TUBGCP5: variants seen among roughly 807,000 people sequenced by gnomAD.
The protein encoded by TUBGCP5 is gamma-tubulin complex component 5.
Under a neutral mutation model 134.7 loss-of-function variants are expected in TUBGCP5, and 98 were observed. The ratio of observed to expected loss-of-function variants is 0.73; its 90% CI spans 0.62 to 0.86. TUBGCP5 has a LOEUF of 0.86. Ranked by LOEUF, TUBGCP5 falls within the 40% of genes least tolerant of loss-of-function variation. The pLI, the probability that TUBGCP5 is intolerant of heterozygous loss-of-function variation, is 0.00. For missense variants in TUBGCP5, 1,150 were observed against 1,244.8 expected (o/e 0.92, Z 1.15); for synonymous variants, 456 against 431.4 (o/e 1.06, Z -0.71).
intron 23 of TUBGCP5, among the ~76,000 whole-genome samples, chr15:22,990,417 T>C (rs1419119390): frequency 6.6e-6 from 1 of 152,178 alleles, no homozygotes; most frequent in African/African-American, 2.4e-5. Flanking sequence ...GTCACGTGCA[T>C]TTGGGATCTG....
At chr15:23,001,833 T>G in intron 21 of TUBGCP5, among the ~76,000 whole-genome samples, 1 of 152,222 alleles carries the variant, frequency 6.6e-6, no homozygotes, top group East Asian at 1.9e-4. Context: ...GAATATTTCA[T>G]AAGTATAAAT....
At chr15:22,984,514 G>A (rs868117650) in intron 23 of TUBGCP5, among the ~76,000 whole-genome samples, 4 of 151,780 alleles carry the variant, frequency 2.6e-5, no homozygotes, top group East Asian at 1.9e-4. Context: ...CAGCTACCCC[G>A]GGGGCTGAGG....
At chr15:23,032,856 G>A in intron 3 of TUBGCP5, 32 bp from the exon 4 acceptor site, 1 of 1,480,008 alleles carries the variant, frequency 6.8e-7, no homozygotes, top group Non-Finnish European at 9.1e-7. Flanking sequence ...ATAAATCTCT[G>A]AGGTTGGGAA....
chr15:23,018,932 G>A (rs1567136130), intron 12 of TUBGCP5, among the ~76,000 whole-genome samples: 1 of 152,082 alleles, frequency 6.6e-6, no homozygotes, highest in Admixed American at 6.5e-5. Context: ...TCATTTTATG[G>A]GAAGCAGTGT....
chr15:23,008,185 G>A (rs1451023168), intron 16 of TUBGCP5, among the ~76,000 whole-genome samples: 1 of 152,118 alleles, frequency 6.6e-6, no homozygotes, highest in African/African-American at 2.4e-5. Flanking sequence ...TTACTGGCAT[G>A]AGCCACTGCA....
rs201765570 is a variant in TUBGCP5, at chr15:23,021,939, T to C, written c.1371+20A>G. 446 of 1,612,654 alleles carry C rather than the reference T, an allele frequency of 2.8e-4. 3 individuals are homozygous for C. The African/African-American group carries it at 4.0e-3, about 14-fold the overall frequency. ...CTGTGCAGCATGGAGTCACACACTTTAGGCAGAAGTCTCACTTACGGTTTG... is the reference window on the plus strand; with the variant it reads ...CTGTGCAGCATGGAGTCACACACTTCAGGCAGAAGTCTCACTTACGGTTTG... On this transcript the variant is annotated intron_variant, in intron 11 of 22. Transcript: ENST00000615383.
At chr15:23,000,389 C>T in intron 22 of TUBGCP5, 180 bp downstream of exon 22, 2 of 1,374,212 alleles carry the variant, frequency 1.5e-6, no homozygotes, top group Non-Finnish European at 1.9e-6. Flanking sequence ...CAGGCTTACA[C>T]TCACCTCACC....
chr15:23,039,536 CGCGCCATGTTCCGCGCTCCTGCA>C lies in TUBGCP5; in HGVS notation c.-16_7del. 6.8e-7 allele frequency: 1 copy of C among 1,472,578 alleles called. No individual in the cohort carries two copies. Among genetic ancestry groups the C allele is most frequent in the African/African-American group, 1.4e-5 (1 of 69,176 alleles). 91.2% of individuals were successfully genotyped at this position (1,472,578 alleles called of 1,614,324 possible). ...CAACCGACTCCACGGTGGCCCGTGC[CGCGCCATGTTCCGCGCTCCTGCA>C]GCGCGCGTCTAACGAATTGGTGCCT... On this transcript the variant is annotated start_lost and 5_prime_UTR_variant, in exon 1 of 23. Transcript: ENST00000615383.
chr15:23,012,115 C>CAAA lies in TUBGCP5; in HGVS notation c.1757-787_1757-785dup, dbSNP rs1210798007. Reference sequence around the variant, plus strand: ...TGGGCAATAGGAGTGAAACCTGACTCAAAAAAAAAAAAAAAAAAAGAGTAA... The same window carrying CAAA: ...TGGGCAATAGGAGTGAAACCTGACTCAAAAAAAAAAAAAAAAAAAAAAGAGTAA... On this transcript the variant is annotated intron_variant, in intron 13 of 22. Coordinates refer to ENST00000615383, the MANE Select transcript of TUBGCP5 (RefSeq NM_052903.6). 2.9e-3 allele frequency among the ~76,000 whole-genome samples: 236 copies of CAAA among 80,818 alleles called. 8 individuals are homozygous for CAAA. Among genetic ancestry groups the CAAA allele is most frequent in the East Asian group, 9.1e-3 (33 of 3,612 alleles). 53.0% of individuals were successfully genotyped at this position (80,818 alleles called of 152,430 possible).
intron 3 of TUBGCP5, among the ~76,000 whole-genome samples, chr15:23,035,696 G>T (rs2066551298): frequency 6.6e-6 from 1 of 152,098 alleles, no homozygotes; most frequent in South Asian, 2.1e-4. Context: ...ACCATGTGGG[G>T]GTTGGGGACC....
At chr15:22,984,974 A>G (rs921275842) in intron 23 of TUBGCP5, among the ~76,000 whole-genome samples, 3 of 152,220 alleles carry the variant, frequency 2.0e-5, no homozygotes, top group African/African-American at 7.2e-5. Flanking sequence ...TGCAATACAT[A>G]TAACAGACAG....
At chr15:23,008,479 G>A (rs748861504) in intron 16 of TUBGCP5, 5 of 567,708 alleles carry the variant, frequency 8.8e-6, no homozygotes, top group South Asian at 5.6e-5. Flanking sequence ...GGCTGGTCTC[G>A]AACTCCTGAC....
chr15:22,989,452 A>C (rs527360360), intron 23 of TUBGCP5, among the ~76,000 whole-genome samples: 59 of 135,802 alleles, frequency 4.3e-4, no homozygotes, highest in African/African-American at 1.6e-3. Flanking sequence ...TTGACACAAT[A>C]AAAAGACCAC....
At position 23,010,090 on chromosome 15, in the gene TUBGCP5, C is replaced by T. The variant is rs148108126; in HGVS notation, c.1999G>A (p.Gly667Ser). The T allele has an allele frequency of 3.0e-3, 4,795 of 1,613,990 alleles. 22 individuals carry two copies. Among genetic ancestry groups the T allele is most frequent in the Non-Finnish European group, 3.8e-3 (4,452 of 1,179,936 alleles). ...GATGATCTATCCACACATACATCAC[C>T]ACCAGCAAACTTCTCGTGAAAGTCA... ...QSDFHEKFAG[G>S]DVCVDRSSES... The change falls in exon 15 of 23, where the codon GGT becomes AGT. Residue 667 changes from glycine (G) to serine (S), a missense_variant. Around this residue, in one of 2 missense-constraint regions of TUBGCP5, gnomAD observed 697 missense variants for 850.1 expected, o/e 0.82. Coordinates refer to ENST00000615383, the MANE Select transcript of TUBGCP5 (RefSeq NM_052903.6).
chr15:23,025,808 G>A (rs986636452), intron 8 of TUBGCP5, among the ~76,000 whole-genome samples: 2 of 146,390 alleles, frequency 1.4e-5, no homozygotes, highest in African/African-American at 5.1e-5. Flanking sequence ...TCCAGCCTGA[G>A]CAACAGAGTG....
chr15:22,997,811 T>G (rs2064164214), downstream of TUBGCP5, among the ~76,000 whole-genome samples: 1 of 150,498 alleles, frequency 6.6e-6, no homozygotes, highest in African/African-American at 2.4e-5. Context: ...AGAGACAAGG[T>G]TTCACCACAT....
At position 23,004,086 on chromosome 15, in the gene TUBGCP5, G is replaced by T. The variant is rs771753882; in HGVS notation, c.2838+16C>A. The T allele has an allele frequency of 2.5e-6, 4 of 1,600,884 alleles. No homozygotes were observed. The highest frequency in any genetic ancestry group is 3.4e-6 in the Non-Finnish European group (4 of 1,175,906). ...CGCCCAGCAGTGGCCACATCTGCAG[G>T]AGACATCTCATGTACCTTTTCTCTC... is the stretch of plus-strand genomic sequence containing the variant. On this transcript the variant is annotated intron_variant, in intron 20 of 22. Coordinates refer to ENST00000615383, the MANE Select transcript of TUBGCP5 (RefSeq NM_052903.6).
intron 23 of TUBGCP5, among the ~76,000 whole-genome samples, chr15:22,989,253 C>G (rs73411370): frequency 6.6e-6 from 1 of 152,154 alleles, no homozygotes; most frequent in African/African-American, 2.4e-5. Context: ...GCTACCATTC[C>G]GCCTTGTCTC....
chr15:23,021,702 G>A (rs79873687), intron 11 of TUBGCP5, among the ~76,000 whole-genome samples: 6,668 of 152,238 alleles, frequency 0.044, 366 homozygotes, highest in African/African-American at 0.13. Flanking sequence ...GTAAGAAAGC[G>A]TTATTGTAAA....
Sources: gnomAD v4.1 joint callset for allele counts (sites outside exome capture counted in the v4.1 genomes callset) on GRCh38, gnomAD v4.1.1 for gene constraint, gnomAD v4.1.1 regional missense constraint, MANE v1.5 for transcripts, NCBI Gene and HGNC (gene_info 2026-07-23, HGNC 2026-07-21) for gene names.